RGPD2: variants seen among roughly 807,000 people sequenced by gnomAD.
RGPD2 encodes the protein RANBP2-like and GRIP domain-containing protein 2.
In RGPD2, 2 loss-of-function variants were observed where a neutral mutation model predicts 36.0. The ratio of observed to expected loss-of-function variants is 0.06; its 90% CI spans 0.02 to 0.17. RGPD2 has a LOEUF of 0.17. Among genes scored for constraint, RGPD2 ranks in the 10% least tolerant of loss-of-function variants. The pLI is 1.00. For missense variants in RGPD2, 40 were observed against 464.3 expected, an observed-to-expected ratio of 0.09 and a Z score of 8.40; for synonymous variants, 19 against 163.8, an observed-to-expected ratio of 0.12 and a Z score of 6.75.
At chr2:87,923,524 C>T in the RGPD2 span, among the ~76,000 whole-genome samples, 1 of 152,146 alleles carries the variant, frequency 6.6e-6, no homozygotes, top group Non-Finnish European at 1.5e-5. Context: ...GGAACAAAGA[C>T]TCACCGTATG....
chr2:87,930,983 TTATC>T, the RGPD2 span, among the ~76,000 whole-genome samples: 1 of 91,124 alleles, frequency 1.1e-5, no homozygotes, highest in Non-Finnish European at 2.1e-5. Context: ...GTCTAGCTAG[TTATC>T]TATCTATTTC....
At chr2:87,911,492 A>G in the RGPD2 span, among the ~76,000 whole-genome samples, 1 of 152,012 alleles carries the variant, frequency 6.6e-6, no homozygotes, top group Non-Finnish European at 1.5e-5. Context: ...CCTGAAGTAA[A>G]TTAAATCAAG....
chr2:87,770,044 GATT>G (rs1250107164), intron 22 of RGPD2, among the ~76,000 whole-genome samples: 9 of 123,734 alleles, frequency 7.3e-5, no homozygotes, highest in African/African-American at 1.7e-4. Context: ...TCATTAGAAA[GATT>G]ATTAAAAACC....
At chr2:87,882,823 T>TTC in the RGPD2 span, among the ~76,000 whole-genome samples, 2 of 152,302 alleles carry the variant, frequency 1.3e-5, no homozygotes, top group East Asian at 3.9e-4. Context: ...TGGTAACATT[T>TTC]AATTATAAAT....
chr2:87,979,935 T>C, the RGPD2 span, among the ~76,000 whole-genome samples: 116 of 151,246 alleles, frequency 7.7e-4, no homozygotes, highest in African/African-American at 2.7e-3. Flanking sequence ...TGTGTCTATA[T>C]AGGAGTGTAG....
the RGPD2 span, among the ~76,000 whole-genome samples, chr2:87,919,971 A>G: frequency 3.9e-5 from 6 of 152,150 alleles, no homozygotes; most frequent in Admixed American, 2.6e-4. Flanking sequence ...ACTTTCTGCC[A>G]TAGTGCATTC....
chr2:87,809,944 G>A (rs1574020660), intron 6 of RGPD2, among the ~76,000 whole-genome samples: 1 of 73,664 alleles, frequency 1.4e-5, no homozygotes, highest in South Asian at 6.8e-4. Flanking sequence ...CTTGCAGTGA[G>A]CCGAGATTGC....
At chr2:87,972,727 T>A in the RGPD2 span, 2 of 1,610,504 alleles carry the variant, frequency 1.2e-6, no homozygotes, top group African/African-American at 1.3e-5. Context: ...AACAGCAGCT[T>A]CGAGAGCTGT....
At chr2:87,957,381 C>T in the RGPD2 span, among the ~76,000 whole-genome samples, 7 of 150,304 alleles carry the variant, frequency 4.7e-5, no homozygotes, top group African/African-American at 7.4e-5. Flanking sequence ...TTTCCAGAAA[C>T]GTATCATGCT....
chr2:87,988,541 A>ATATTTTTT, the RGPD2 span, among the ~76,000 whole-genome samples: 148 of 54,138 alleles, frequency 2.7e-3, 2 homozygotes, highest in African/African-American at 6.1e-3. Flanking sequence ...ATATATATAT[A>ATATTTTTT]TTTTTTTTTT....
chr2:87,802,269 TA>T (rs1278270969), intron 7 of RGPD2, among the ~76,000 whole-genome samples: 35 of 67,832 alleles, frequency 5.2e-4, no homozygotes, highest in South Asian at 1.2e-3. Flanking sequence ...GAAGTAGCAT[TA>T]AAAAAAAAAG....
the RGPD2 span, among the ~76,000 whole-genome samples, chr2:87,986,749 A>G: frequency 6.6e-6 from 1 of 151,290 alleles, no homozygotes; most frequent in African/African-American, 2.4e-5. Context: ...GCATTGTGGC[A>G]GGCACCTGTA....
At chr2:87,969,986 G>A in the RGPD2 span, among the ~76,000 whole-genome samples, 2 of 151,080 alleles carry the variant, frequency 1.3e-5, no homozygotes, top group Non-Finnish European at 2.9e-5. Context: ...AAGCAGAATA[G>A]AAATTTTATA....
At chr2:87,957,820 T>C in the RGPD2 span, among the ~76,000 whole-genome samples, 23 of 152,298 alleles carry the variant, frequency 1.5e-4, no homozygotes, top group African/African-American at 5.5e-4. Context: ...TAAAAACAGC[T>C]TGTTTGCTGG....
At chr2:87,917,973 T>G in the RGPD2 span, among the ~76,000 whole-genome samples, 1 of 118,302 alleles carries the variant, frequency 8.5e-6, no homozygotes, top group African/African-American at 3.8e-5. Context: ...TCAAATTTCT[T>G]ATTGTTTTTG....
the RGPD2 span, among the ~76,000 whole-genome samples, chr2:87,863,328 G>A: frequency 6.9e-6 from 1 of 145,522 alleles, no homozygotes; most frequent in Non-Finnish European, 1.5e-5. Flanking sequence ...AGAAGAATAT[G>A]GACTGTGACT....
At chr2:87,923,128 G>A in the RGPD2 span, among the ~76,000 whole-genome samples, 2 of 151,994 alleles carry the variant, frequency 1.3e-5, no homozygotes, top group Admixed American at 1.3e-4. Flanking sequence ...CATATCCTCT[G>A]CTTCCTACTG....
In RGPD2 at chr2:87,825,706, C is replaced by T. The variant is rs768764544; in HGVS notation, c.24G>A (p.Gly8=). 15 of 1,602,784 alleles carry T rather than the reference C, an allele frequency of 9.4e-6. No homozygotes were observed. In the Middle Eastern group the frequency reaches 1.1e-3, roughly 120 times the overall value. The part of the protein sequence containing the change: MRRSKAY[G]ERYLASVQGS... ...CCTGCACCGAGGCGAGGTACCGCTC[C>T]CCGTAGGCTTTGCTGCGCCTCATCG... Residue 8 remains glycine (G), a synonymous_variant, in exon 1 of 23, where the codon GGG becomes GGA. Transcript: ENST00000398146.
the RGPD2 span, among the ~76,000 whole-genome samples, chr2:87,885,422 T>C: frequency 6.6e-6 from 1 of 152,028 alleles, no homozygotes; most frequent in South Asian, 2.1e-4. Flanking sequence ...ATTGAAGGCT[T>C]TTCCTTTAAA....
Sources: allele counts gnomAD v4.1 joint callset (sites outside exome capture counted in the v4.1 genomes callset), GRCh38; gene constraint gnomAD v4.1.1; transcripts MANE v1.5; gene names NCBI Gene and HGNC (gene_info 2026-07-23, HGNC 2026-07-21).